Variants in ASTN2 observed in about 807,000 individuals in gnomAD.
ASTN2 encodes astrotactin 2, also known as astrotactin-2.
A neutral mutation model predicts 139.8 loss-of-function variants in ASTN2; 54 were observed. The observed-to-expected ratio is 0.39, with a 90% CI of 0.31 to 0.48. The LOEUF (loss-of-function observed/expected upper bound fraction) is 0.48. Ranked by LOEUF, ASTN2 falls within the 20% of genes least tolerant of loss-of-function variation. ASTN2 has a pLI of 0.95. For synonymous variants in ASTN2, 756 were observed against 719.5 expected, an observed-to-expected ratio of 1.05 and a Z score of -0.81; for missense variants, 1,565 against 1,725.1, an observed-to-expected ratio of 0.91 and a Z score of 1.64.
chr9:116,852,696 A>T (rs1832641708), intron 11 of ASTN2, among the ~76,000 whole-genome samples: 1 of 152,162 alleles, frequency 6.6e-6, no homozygotes, highest in Non-Finnish European at 1.5e-5. Context: ...GTCATTTGTC[A>T]TCCATTTATC....
At chr9:116,780,030 C>T (rs1830176775) in intron 13 of ASTN2, among the ~76,000 whole-genome samples, 1 of 152,108 alleles carries the variant, frequency 6.6e-6, no homozygotes. Flanking sequence ...TCTCATCACA[C>T]ATTCATTCAC....
chr9:116,472,141 C>T (rs1300100221), intron 20 of ASTN2, among the ~76,000 whole-genome samples: 1 of 152,196 alleles, frequency 6.6e-6, no homozygotes, highest in East Asian at 1.9e-4. Context: ...GGCCTTATCA[C>T]TGCTCCTCCT....
At chr9:117,270,590 C>A (rs144328547) in intron 2 of ASTN2, among the ~76,000 whole-genome samples, 1 of 152,268 alleles carries the variant, frequency 6.6e-6, no homozygotes, top group East Asian at 1.9e-4. Context: ...CAAGGGATAC[C>A]CCTGTACCTG....
chr9:117,277,987 A>G (rs937011056), intron 2 of ASTN2, among the ~76,000 whole-genome samples: 5 of 152,252 alleles, frequency 3.3e-5, no homozygotes, highest in Non-Finnish European at 7.4e-5. Context: ...CTCAATTCCA[A>G]CCTCACATTT....
chr9:117,370,887 C>G (rs576345418), intron 1 of ASTN2, among the ~76,000 whole-genome samples: 1 of 152,158 alleles, frequency 6.6e-6, no homozygotes, highest in Non-Finnish European at 1.5e-5. Context: ...AGCTTAAATT[C>G]TACATTATCA....
At chr9:117,063,193 T>TA (rs1461788224) in intron 5 of ASTN2, among the ~76,000 whole-genome samples, 3 of 152,234 alleles carry the variant, frequency 2.0e-5, no homozygotes, top group Non-Finnish European at 4.4e-5. Context: ...GAGCAATTCT[T>TA]AGACACAGTT....
intron 1 of ASTN2, among the ~76,000 whole-genome samples, chr9:117,360,315 T>G (rs559998118): frequency 4.5e-4 from 68 of 152,000 alleles, no homozygotes; most frequent in African/African-American, 1.6e-3. Flanking sequence ...GAGGGTGAAG[T>G]GTAATGTGGA....
chr9:116,581,120 G>A (rs56014873), intron 19 of ASTN2, among the ~76,000 whole-genome samples: 21,667 of 152,068 alleles, frequency 0.14, 1,662 homozygotes, highest in Middle Eastern at 0.19. Context: ...CCTTCCTGCC[G>A]TTAAGCTTCA....
At chr9:116,829,459 T>C (rs952727129) in intron 11 of ASTN2, among the ~76,000 whole-genome samples, 1 of 152,040 alleles carries the variant, frequency 6.6e-6, no homozygotes, top group African/African-American at 2.4e-5. Context: ...AAGAAATACC[T>C]GAGACTGGGT....
At chr9:116,833,092 T>A (rs576960451) in intron 11 of ASTN2, among the ~76,000 whole-genome samples, 1 of 152,094 alleles carries the variant, frequency 6.6e-6, no homozygotes, top group Non-Finnish European at 1.5e-5. Context: ...TTAATAGTTA[T>A]AGGGCTTTCA....
At chr9:117,411,930 C>T (rs1013791838) in intron 1 of ASTN2, among the ~76,000 whole-genome samples, 45 of 152,178 alleles carry the variant, frequency 3.0e-4, no homozygotes, top group Middle Eastern at 3.4e-3. Context: ...TGCCTTGGGA[C>T]ACTAGAAAGA....
intron 10 of ASTN2, among the ~76,000 whole-genome samples, chr9:116,939,256 G>C (rs1268459894): frequency 6.6e-6 from 1 of 152,074 alleles, no homozygotes; most frequent in Non-Finnish European, 1.5e-5. Context: ...GCTATTAGTA[G>C]TAGTAGTAGC....
At chr9:116,939,390 T>C (rs1369323275) in intron 10 of ASTN2, among the ~76,000 whole-genome samples, 1 of 152,102 alleles carries the variant, frequency 6.6e-6, no homozygotes, top group Non-Finnish European at 1.5e-5. Flanking sequence ...TATTTGCTTT[T>C]GTTATTTAAA....
chr9:116,862,598 C>T lies in ASTN2; in HGVS notation c.2040+985G>A, dbSNP rs572184454. 2.0e-5 allele frequency among the ~76,000 whole-genome samples: 3 copies of T among 152,240 alleles called. No homozygotes were observed. The South Asian group carries it at 6.2e-4, about 32-fold the overall frequency. On this transcript the variant is annotated intron_variant, in intron 11 of 22. Coordinates refer to ENST00000313400, the MANE Select transcript of ASTN2 (RefSeq NM_001365068.1). ...CAGAGAGAAGGTACAAGAAAAGGTT[C>T]TGAGGCATGAAACATGCAGGCAAGT...
chr9:116,775,930 G>C (rs920432164), intron 13 of ASTN2, among the ~76,000 whole-genome samples: 2 of 152,138 alleles, frequency 1.3e-5, no homozygotes, highest in African/African-American at 4.8e-5. Context: ...TCCAAGGTTG[G>C]AAGAGACATT....
At chr9:116,874,260 G>A (rs1833238864) in intron 10 of ASTN2, among the ~76,000 whole-genome samples, 1 of 149,666 alleles carries the variant, frequency 6.7e-6, no homozygotes, top group African/African-American at 2.4e-5. Flanking sequence ...TAGCAATTAT[G>A]GTTTGCACTA....
At chr9:116,652,932 C>A (rs146915740) in intron 16 of ASTN2, among the ~76,000 whole-genome samples, 109 of 152,342 alleles carry the variant, frequency 7.2e-4, no homozygotes, top group East Asian at 5.8e-3. Context: ...TGCCTCTCCA[C>A]ATCTCTTCTA....
chr9:117,074,692 G>C (rs1260757447), intron 5 of ASTN2, among the ~76,000 whole-genome samples: 1 of 152,200 alleles, frequency 6.6e-6, no homozygotes, highest in Non-Finnish European at 1.5e-5. Flanking sequence ...TGATGGTGCA[G>C]GGTGCCAAGA....
chr9:116,924,541 G>T (rs575229761), intron 10 of ASTN2, among the ~76,000 whole-genome samples: 1 of 152,064 alleles, frequency 6.6e-6, no homozygotes, highest in Non-Finnish European at 1.5e-5. Context: ...CTAAACAAAG[G>T]GTAGGTTATT....
Sources: allele counts gnomAD v4.1 joint callset (sites outside exome capture counted in the v4.1 genomes callset), GRCh38; gene constraint gnomAD v4.1.1; transcripts MANE v1.5; gene names NCBI Gene and HGNC (gene_info 2026-07-23, HGNC 2026-07-21).